The following CHFR variants were observed in gnomAD, a reference collection of about 807,000 sequenced individuals.
CHFR encodes E3 ubiquitin-protein ligase CHFR.
A neutral mutation model predicts 87.6 loss-of-function variants in CHFR; 57 were observed. The observed-to-expected ratio is 0.65, with a 90% confidence interval of 0.53 to 0.81. The LOEUF (loss-of-function observed/expected upper bound fraction) is 0.81. CHFR is among the 30% of genes least tolerant of loss of function. The probability of loss-of-function intolerance (pLI) is 0.00; values close to 1 mark genes in which losing one functional copy is unlikely to be tolerated. For synonymous variants in CHFR, 381 were observed against 359.2 expected (o/e 1.06, Z -0.69); for missense variants, 797 against 865.8 (o/e 0.92, Z 1.00).
At chr12:132,858,725 TAAAAAA>T (rs60137048) in intron 8 of CHFR, among the ~76,000 whole-genome samples, 4 of 26,788 alleles carry the variant, frequency 1.5e-4, no homozygotes, top group Non-Finnish European at 2.3e-4. Flanking sequence ...AGACTCCATC[TAAAAAA>T]AAAAAAAAAA....
In CHFR at chr12:132,887,244, G is replaced by C. The variant is rs766461060; in HGVS notation, c.85C>G (p.Pro29Ala). The C allele has an allele frequency of 1.2e-5, 18 of 1,504,044 alleles. 1 individual carries two copies. The South Asian group carries it at 2.2e-4, about 19-fold the overall frequency. 93.2% of individuals were successfully genotyped at this position (1,504,044 alleles called of 1,614,324 possible). The change falls in exon 2 of 18, where the codon CCG (proline) becomes GCG (alanine). Residue 29 changes from proline to alanine, a missense_variant. Pro to Ala is a conservative substitution (Grantham distance 27). Transcript: ENST00000450056. ...LLRLGAEEGEPHVLLRKREWT... is the reference protein window; with the variant it reads ...LLRLGAEEGEAHVLLRKREWT... ...TCCCGCTTCCTCAGGAGGACGTGCG[G>C]CTCGCCCTCCTCCGCGCCCAGACGC...
chr12:132,861,857 T>C, intron 6 of CHFR: 1 of 530,334 alleles, frequency 1.9e-6, no homozygotes, highest in South Asian at 2.5e-5. Context: ...AGGAGCCCAT[T>C]TGCAGAGAAA....
At position 132,853,552 on chromosome 12, in the gene CHFR, C is replaced by A. The variant is rs1191956640; in HGVS notation, c.1251G>T (p.Arg417=). 6.5e-6 allele frequency: 10 copies of A among 1,531,870 alleles called. No individual in the cohort carries two copies. The Admixed American group carries it at 1.2e-4, about 19-fold the overall frequency. The allele number at this position is 1,531,870 out of a possible 1,614,324, so 94.9% of individuals were successfully genotyped here. ...SDISQPYVVC[R]QCPEYRRQAA... The stretch of plus-strand genomic sequence containing the variant: ...CCTGCCTTCTGTACTCAGGACACTG[C>A]CGGCACACGACGTATGGCTGGCTGC... The change falls in exon 11 of 18, where the codon CGG becomes CGT. Residue 417 remains arginine, a synonymous_variant. Transcript: ENST00000450056.
intron 15 of CHFR, among the ~76,000 whole-genome samples, chr12:132,845,804 GGACCTCT>G (rs1235894150): frequency 6.6e-6 from 1 of 152,062 alleles, no homozygotes. Context: ...ACTGACCCCA[GGACCTCT>G]GGATAGACAA....
At chr12:132,864,714 C>T (rs976008550) in intron 6 of CHFR, among the ~76,000 whole-genome samples, 1 of 152,138 alleles carries the variant, frequency 6.6e-6, no homozygotes, top group African/African-American at 2.4e-5. Context: ...GTCTTGAACT[C>T]CCGACCTCAG....
intron 6 of CHFR, among the ~76,000 whole-genome samples, chr12:132,865,104 G>A (rs924103837): frequency 2.0e-5 from 3 of 152,204 alleles, no homozygotes; most frequent in Admixed American, 2.0e-4. Flanking sequence ...GTAACCCCGC[G>A]TCCTGTCTGT....
intron 2 of CHFR, among the ~76,000 whole-genome samples, chr12:132,884,719 G>C (rs115806118): frequency 1.7e-3 from 255 of 152,252 alleles, no homozygotes; most frequent in African/African-American, 5.8e-3. Context: ...CCACCTGCAA[G>C]CCAAGAGAGC....
At chr12:132,865,357 G>C (rs562189938) in intron 6 of CHFR, among the ~76,000 whole-genome samples, 7 of 152,128 alleles carry the variant, frequency 4.6e-5, no homozygotes, top group African/African-American at 1.7e-4. Flanking sequence ...AATCTGGCAT[G>C]TTTTCTTTTC....
Position 132,847,095 on chromosome 12 carries a change from GT to G in CHFR, c.1682del (p.Asn561ThrfsTer3). On this transcript the variant is annotated frameshift_variant, in exon 15 of 18. Coordinates refer to ENST00000450056, the MANE Select transcript of CHFR (RefSeq NM_001161346.2). LOFTEE classifies it high-confidence loss of function. ...YLATRGLTWK[N>X]MLTESLVALQ... Reference sequence around the variant, plus strand: ...GAGCCACGAGGCTCTCGGTCAACATGTTTTTCCATGTCAAACCTCTGGTTGC... The same window carrying G: ...GAGCCACGAGGCTCTCGGTCAACATGTTTTCCATGTCAAACCTCTGGTTGC... The G allele has an allele frequency of 6.2e-7, 1 of 1,613,738 alleles. No homozygotes were observed. Among genetic ancestry groups the G allele is most frequent in the Non-Finnish European group, 8.5e-7 (1 of 1,179,840 alleles).
chr12:132,873,350 G>A (rs926147504), intron 3 of CHFR, among the ~76,000 whole-genome samples: 4 of 152,312 alleles, frequency 2.6e-5, no homozygotes, highest in East Asian at 1.9e-4. Context: ...TGCCACAGCC[G>A]TCTCCCCGTA....
intron 2 of CHFR, among the ~76,000 whole-genome samples, chr12:132,879,921 C>T (rs756165933): frequency 3.4e-4 from 52 of 152,348 alleles, no homozygotes; most frequent in Non-Finnish European, 6.6e-4. Flanking sequence ...CTGCTTTAGC[C>T]TGAGCCTTGC....
At chr12:132,856,097 G>C (rs1031434239) in intron 10 of CHFR, among the ~76,000 whole-genome samples, 1 of 152,188 alleles carries the variant, frequency 6.6e-6, no homozygotes, top group African/African-American at 2.4e-5. Context: ...ATGTGCTCAT[G>C]TGGGAAAAAA....
intron 14 of CHFR, 22 bp from the exon 15 acceptor site, chr12:132,847,152 G>A (rs762889948): frequency 3.1e-6 from 5 of 1,612,084 alleles, no homozygotes; most frequent in African/African-American, 2.7e-5. Context: ...AAAAAGAGAG[G>A]AATAAGAAAT....
At chr12:132,847,874 T>C in intron 14 of CHFR, 1 of 1,409,778 alleles carries the variant, frequency 7.1e-7, no homozygotes, top group Non-Finnish European at 9.2e-7. Context: ...AAAAACGAAA[T>C]ACCTATTTTT....
At chr12:132,842,681 C>T (rs1950726388) in intron 17 of CHFR, among the ~76,000 whole-genome samples, 2 of 152,260 alleles carry the variant, frequency 1.3e-5, no homozygotes, top group African/African-American at 4.8e-5. Context: ...GAGAACCCAG[C>T]TGTGCAGCGC....
chr12:132,847,917 C>T, intron 14 of CHFR, 168 bp downstream of exon 14: 1 of 1,465,342 alleles, frequency 6.8e-7, no homozygotes. Context: ...ACACCAATGG[C>T]ATGCAGAGAA....
intron 11 of CHFR, among the ~76,000 whole-genome samples, chr12:132,852,282 C>T (rs1429666971): frequency 6.6e-6 from 1 of 152,042 alleles, no homozygotes; most frequent in Non-Finnish European, 1.5e-5. Flanking sequence ...GCCACCGTGC[C>T]CGGCCGATCT....
intron 2 of CHFR, among the ~76,000 whole-genome samples, chr12:132,883,771 T>TC (rs2050972556): frequency 6.6e-6 from 1 of 152,110 alleles, no homozygotes; most frequent in Non-Finnish European, 1.5e-5. Flanking sequence ...CTTTCCCTTT[T>TC]CCCCCAAATA....
rs1950699497 is a variant in CHFR at position 132,841,299 on chromosome 12, C to T, written c.*255G>A. On this transcript the variant is annotated 3_prime_UTR_variant, in exon 18 of 18. Coordinates refer to ENST00000450056, the MANE Select transcript of CHFR (RefSeq NM_001161346.2). ...ACGGCCGCATGTTACAGAAAGGCTTCGTCTCTGCTGCTGATGCCACCACGA... is the reference window on the plus strand; with the variant it reads ...ACGGCCGCATGTTACAGAAAGGCTTTGTCTCTGCTGCTGATGCCACCACGA... 2 of 420,260 alleles carry T rather than the reference C, an allele frequency of 4.8e-6. No homozygotes were observed. Among genetic ancestry groups the T allele is most frequent in the South Asian group, 5.3e-5 (1 of 18,870 alleles). 26.0% of individuals were successfully genotyped at this position (420,260 alleles called of 1,614,324 possible). A position where few individuals can be genotyped will look rare whatever the true frequency, so the allele number is the denominator to read the frequency against.
Sources: allele counts gnomAD v4.1 joint callset (sites outside exome capture counted in the v4.1 genomes callset), GRCh38; gene constraint gnomAD v4.1.1; transcripts MANE v1.5; gene names NCBI Gene and HGNC (gene_info 2026-07-23, HGNC 2026-07-21).